UNC13B: variants seen among roughly 807,000 people sequenced by gnomAD.
UNC13B encodes protein unc-13 homolog B.
A neutral mutation model predicts 211.0 loss-of-function variants in UNC13B; 144 were observed. The observed-to-expected ratio is 0.68, with a 90% CI of 0.60 to 0.78. UNC13B has a LOEUF of 0.78. Ranked by LOEUF, UNC13B falls within the 30% of genes least tolerant of loss-of-function variation. The pLI is 0.00. For missense variants in UNC13B, 1,777 were observed against 2,002.0 expected, an observed-to-expected ratio of 0.89 and a Z score of 2.14; for synonymous variants, 709 against 725.8, an observed-to-expected ratio of 0.98 and a Z score of 0.37.
At chr9:35,244,323 T>A (rs1437459084) in intron 6 of UNC13B, among the ~76,000 whole-genome samples, 4 of 152,178 alleles carry the variant, frequency 2.6e-5, no homozygotes, top group Non-Finnish European at 5.9e-5. Flanking sequence ...GATTTGGTGA[T>A]TGATGACGAG....
intron 11 of UNC13B, among the ~76,000 whole-genome samples, chr9:35,338,613 G>T (rs1317646601): frequency 6.6e-6 from 1 of 152,194 alleles, no homozygotes; most frequent in Non-Finnish European, 1.5e-5. Flanking sequence ...AATCCCAGCT[G>T]TGTGACTATA....
intron 7 of UNC13B, among the ~76,000 whole-genome samples, chr9:35,273,528 T>TGGTC (rs1587517566): frequency 6.6e-6 from 1 of 152,226 alleles, no homozygotes; most frequent in Non-Finnish European, 1.5e-5. Context: ...TTATTATTCT[T>TGGTC]GGTCTCCATC....
At chr9:35,343,558 C>G (rs1832155339) in intron 11 of UNC13B, among the ~76,000 whole-genome samples, 1 of 152,078 alleles carries the variant, frequency 6.6e-6, no homozygotes, top group Non-Finnish European at 1.5e-5. Context: ...GTTTTTTGTA[C>G]CTTGAGGAGG....
intron 5 of UNC13B, among the ~76,000 whole-genome samples, chr9:35,238,405 G>A (rs971827060): frequency 6.6e-6 from 1 of 151,946 alleles, no homozygotes; most frequent in Non-Finnish European, 1.5e-5. Flanking sequence ...ACTTATTTTG[G>A]CAAAATTTGG....
At chr9:35,384,175 T>C in intron 21 of UNC13B, 71 bp from the exon 22 acceptor site, 2 of 1,600,610 alleles carry the variant, frequency 1.2e-6, no homozygotes, top group Non-Finnish European at 1.7e-6. Flanking sequence ...GTGGTTCTGT[T>C]TCTGTTATAG....
At chr9:35,323,968 C>T (rs1012596875) in intron 11 of UNC13B, among the ~76,000 whole-genome samples, 5 of 152,108 alleles carry the variant, frequency 3.3e-5, no homozygotes, top group Admixed American at 2.6e-4. Context: ...ATTATAGTAA[C>T]CACATTTATT....
At chr9:35,244,148 A>G (rs978279998) in intron 6 of UNC13B, among the ~76,000 whole-genome samples, 1 of 152,132 alleles carries the variant, frequency 6.6e-6, no homozygotes, top group Non-Finnish European at 1.5e-5. Flanking sequence ...GAAACCTTAG[A>G]CATAGAATTC....
chr9:35,221,922 T>A (rs1824585988), intron 1 of UNC13B, among the ~76,000 whole-genome samples: 1 of 152,244 alleles, frequency 6.6e-6, no homozygotes, highest in Non-Finnish European at 1.5e-5. Flanking sequence ...ATCTTTTCCC[T>A]CAATTGAATT....
rs1192659484 is a variant in UNC13B at position 35,397,184 on chromosome 9, G to A, written c.11550G>A (p.Glu3850=). ...DKKDGFQQTS[E]HALFSCSVVD... Reference sequence around the variant, plus strand: ...TTCCTTAGTTCCAGCAGACATCAGAGCATGCACTCTTTTCCTGCTCTGTGG... The same window carrying A: ...TTCCTTAGTTCCAGCAGACATCAGAACATGCACTCTTTTCCTGCTCTGTGG... The change falls in exon 29 of 40, where the codon GAG becomes GAA. Residue 3850 remains glutamate, a synonymous_variant. Transcript: ENST00000635942. 11 of 1,614,054 alleles carry A rather than the reference G, an allele frequency of 6.8e-6. No homozygotes were observed.
At chr9:35,213,487 A>AT (rs1824084533) in intron 1 of UNC13B, among the ~76,000 whole-genome samples, 1 of 152,148 alleles carries the variant, frequency 6.6e-6, no homozygotes, top group Non-Finnish European at 1.5e-5. Context: ...CATTCAATCT[A>AT]TGGTGTCTTA....
intron 7 of UNC13B, among the ~76,000 whole-genome samples, chr9:35,274,447 AC>A: frequency 6.6e-6 from 1 of 152,186 alleles, no homozygotes; most frequent in Non-Finnish European, 1.5e-5. Context: ...CTTAAAGAGA[AC>A]CAGAATCTCT....
At chr9:35,245,955 C>T (rs1324003547) in intron 6 of UNC13B, among the ~76,000 whole-genome samples, 1 of 152,108 alleles carries the variant, frequency 6.6e-6, no homozygotes, top group African/African-American at 2.4e-5. Context: ...GAACCAGTTT[C>T]CAGTCCCACC....
Position 35,396,949 on chromosome 9 carries a change from G to A in UNC13B, c.11532+12G>A, listed in dbSNP as rs200104920. On this transcript the variant is annotated intron_variant, in intron 28 of 39. Coordinates refer to ENST00000635942, the MANE Select transcript of UNC13B (RefSeq NM_001371189.2). Reference sequence around the variant, plus strand: ...ATAAGAAGGATGGAGTAAGTCAGGGGCTTTGGCTGCACCGGGTTCAGGCCA... The same window carrying A: ...ATAAGAAGGATGGAGTAAGTCAGGGACTTTGGCTGCACCGGGTTCAGGCCA... The A allele has an allele frequency of 4.3e-6, 7 of 1,614,026 alleles. No homozygotes were observed. Among genetic ancestry groups the A allele is most frequent in the African/African-American group, 1.3e-5 (1 of 75,028 alleles).
At chr9:35,296,276 C>T (rs547975906) in intron 8 of UNC13B, among the ~76,000 whole-genome samples, 1 of 152,296 alleles carries the variant, frequency 6.6e-6, no homozygotes, top group South Asian at 2.1e-4. Flanking sequence ...GAAAAAATCA[C>T]AGATTGGATA....
chr9:35,348,926 A>AT lies in UNC13B; in HGVS notation c.9415-18010dup, dbSNP rs113764315. On this transcript the variant is annotated intron_variant, in intron 11 of 39. Transcript: ENST00000635942. ...TTACTAAGCTTACTAAGCAATTCTA[A>AT]TTTTTTTTTTTGAGACAGTCTTGCT... Among the ~76,000 whole-genome samples the AT allele has an allele frequency of 2.9e-3, 428 of 147,888 alleles. 3 individuals carry two copies. The highest frequency in any genetic ancestry group is 8.0e-3 in the African/African-American group (324 of 40,594).
intron 1 of UNC13B, among the ~76,000 whole-genome samples, chr9:35,205,382 G>C (rs1450845846): frequency 1.3e-5 from 2 of 152,078 alleles, no homozygotes; most frequent in African/African-American, 2.4e-5. Flanking sequence ...CTTTATTGAG[G>C]TGTAGTTTGC....
At position 35,400,390 on chromosome 9, in the gene UNC13B, C is replaced by G; in HGVS notation, c.12431C>G (p.Thr4144Arg). The G allele has an allele frequency of 1.2e-6, 2 of 1,614,162 alleles. No individual in the cohort carries two copies. The change falls in exon 37 of 40, where the codon ACA becomes AGA. Residue 4144 changes from threonine (T) to arginine (R), a missense_variant. By Grantham distance (71) the Thr-to-Arg change is moderately conservative. Coordinates refer to ENST00000635942, the MANE Select transcript of UNC13B (RefSeq NM_001371189.2). Reference sequence around the variant, plus strand: ...CTACGCTATGCCCTGTCTCTGTACACACAGACTACTGACACTCTCATCAAG... The same window carrying G: ...CTACGCTATGCCCTGTCTCTGTACAGACAGACTACTGACACTCTCATCAAG... ...QSLRYALSLY[T>R]QTTDTLIKTF...
chr9:35,234,495 G>C (rs1286848640), intron 3 of UNC13B, among the ~76,000 whole-genome samples: 1 of 152,138 alleles, frequency 6.6e-6, no homozygotes, highest in African/African-American at 2.4e-5. Context: ...TCTTTTCCAA[G>C]ACTAATTGGT....
intron 1 of UNC13B, among the ~76,000 whole-genome samples, chr9:35,224,929 CT>C (rs1824748679): frequency 6.6e-6 from 1 of 151,866 alleles, no homozygotes; most frequent in African/African-American, 2.4e-5. Flanking sequence ...AGAACAAAAA[CT>C]GTTAAGATCA....
Sources: gnomAD v4.1 joint callset for allele counts (sites outside exome capture counted in the v4.1 genomes callset) on GRCh38, gnomAD v4.1.1 for gene constraint, MANE v1.5 for transcripts, NCBI Gene and HGNC (gene_info 2026-07-23, HGNC 2026-07-21) for gene names.